TNFRSF1B: variants seen among roughly 807,000 people sequenced by gnomAD.
The protein encoded by TNFRSF1B is tumor necrosis factor receptor superfamily member 1B.
TNFRSF1B carries 19 observed loss-of-function variants against 44.6 expected under a neutral mutation model. The observed-to-expected ratio is 0.43, with a 90% CI of 0.30 to 0.62. TNFRSF1B has a LOEUF of 0.62. Among genes scored for constraint, TNFRSF1B ranks in the 20% least tolerant of loss-of-function variants. The pLI, the probability that TNFRSF1B is intolerant of heterozygous loss-of-function variation, is 0.16. For synonymous variants in TNFRSF1B, 252 were observed against 261.1 expected (o/e 0.97, Z 0.34); for missense variants, 541 against 619.9 (o/e 0.87, Z 1.35).
rs989303093 is a variant in TNFRSF1B at position 12,192,292 on chromosome 1, G to T, written c.458-139G>T. On this transcript the variant is annotated intron_variant, in intron 4 of 9. Coordinates refer to ENST00000376259, the MANE Select transcript of TNFRSF1B (RefSeq NM_001066.3). The stretch of plus-strand genomic sequence containing the variant: ...TACAGGCATCTGTGTGTGTGTGTGT[G>T]TGTGTGTGTGTGTGTAAGGGGTGGA... 128 of 731,024 alleles carry T rather than the reference G, an allele frequency of 1.8e-4. 1 individual carries two copies. The highest frequency in any genetic ancestry group is 1.6e-3 in the Middle Eastern group (5 of 3,152). 45.3% of individuals were successfully genotyped at this position (731,024 alleles called of 1,614,324 possible). A position where few individuals can be genotyped will look rare whatever the true frequency, so the allele number is the denominator to read the frequency against.
At chr1:12,198,471 C>T (rs577249411) in intron 8 of TNFRSF1B, among the ~76,000 whole-genome samples, 7 of 152,246 alleles carry the variant, frequency 4.6e-5, no homozygotes, top group African/African-American at 1.4e-4. Context: ...CAGATATGCA[C>T]ACATGCCCCC....
At chr1:12,190,000 C>T (rs556326140) in intron 2 of TNFRSF1B, among the ~76,000 whole-genome samples, 1 of 152,012 alleles carries the variant, frequency 6.6e-6, no homozygotes, top group South Asian at 2.1e-4. Context: ...AAGGCGAGTA[C>T]GGTAGGGGAG....
chr1:12,198,847 C>T (rs748730863), intron 8 of TNFRSF1B, among the ~76,000 whole-genome samples: 2 of 152,010 alleles, frequency 1.3e-5, no homozygotes, highest in Admixed American at 6.6e-5. Context: ...CCCACCAGCT[C>T]GCCCAGCTAA....
At chr1:12,183,656 T>TTATCTATCTATCTATCTATTCTATC (rs1638865931) in intron 1 of TNFRSF1B, among the ~76,000 whole-genome samples, 2 of 125,336 alleles carry the variant, frequency 1.6e-5, no homozygotes, top group East Asian at 2.4e-4. Flanking sequence ...TTTATCTATT[T>TTATCTATCTATCTATCTATTCTATC]TATCTATCTA....
intron 8 of TNFRSF1B, among the ~76,000 whole-genome samples, chr1:12,198,954 A>T (rs1378063409): frequency 1.3e-5 from 2 of 151,986 alleles, no homozygotes; most frequent in Admixed American, 6.5e-5. Flanking sequence ...CGGCCTCCCA[A>T]AGTGCTGGGA....
chr1:12,174,600 C>G (rs1024800607), intron 1 of TNFRSF1B, among the ~76,000 whole-genome samples: 1 of 152,174 alleles, frequency 6.6e-6, no homozygotes, highest in African/African-American at 2.4e-5. Flanking sequence ...CCTGGAGGTT[C>G]ATGGTTGCTA....
chr1:12,196,435 C>T (rs531553438), intron 8 of TNFRSF1B, among the ~76,000 whole-genome samples: 16 of 152,214 alleles, frequency 1.1e-4, no homozygotes, highest in Non-Finnish European at 2.1e-4. Flanking sequence ...TGGTGACAAT[C>T]AAAAATTCTC....
chr1:12,206,866 G>A lies in TNFRSF1B; in HGVS notation c.1232G>A (p.Ser411Asn), dbSNP rs770243493. The A allele has an allele frequency of 6.2e-7, 1 of 1,614,222 alleles. No homozygotes were observed. The highest frequency in any genetic ancestry group is 1.1e-5 in the South Asian group (1 of 91,090). Residue 411 changes from serine to asparagine, a missense_variant, in exon 10 of 10, where the codon AGC (serine) becomes AAC (asparagine). Coordinates refer to ENST00000376259, the MANE Select transcript of TNFRSF1B (RefSeq NM_001066.3). ...ASSTMGDTDSSPSESPKDEQV... is the reference protein window; with the variant it reads ...ASSTMGDTDSNPSESPKDEQV... ...TCCACAATGGGAGACACAGATTCCA[G>A]CCCCTCGGAGTCCCCGAAGGACGAG...
At position 12,207,073 on chromosome 1, in the gene TNFRSF1B, T is replaced by G; in HGVS notation, c.*53T>G. ...CAAGGTGGGCTGAGCCCTGGCAGGA[T>G]GACCCTGCGAAGGGGCCCTGGTCCT... On this transcript the variant is annotated 3_prime_UTR_variant, in exon 10 of 10. Transcript: ENST00000376259. 2 of 1,511,176 alleles carry G rather than the reference T, an allele frequency of 1.3e-6. No individual in the cohort carries two copies. Among genetic ancestry groups the G allele is most frequent in the Middle Eastern group, 2.0e-4 (1 of 5,002 alleles). 93.6% of individuals were successfully genotyped at this position (1,511,176 alleles called of 1,614,324 possible). A position where few individuals can be genotyped will look rare whatever the true frequency, so the allele number is the denominator to read the frequency against.
intron 9 of TNFRSF1B, among the ~76,000 whole-genome samples, chr1:12,203,450 C>G (rs1022312312): frequency 2.0e-5 from 3 of 152,176 alleles, no homozygotes; most frequent in African/African-American, 7.2e-5. Flanking sequence ...CTTGCCTGCA[C>G]TCATGCCACC....
rs1317929701 is a variant in TNFRSF1B at position 12,199,193 on chromosome 1, C to A, written c.901-2774C>A. On this transcript the variant is annotated intron_variant, in intron 8 of 9. Coordinates refer to ENST00000376259, the MANE Select transcript of TNFRSF1B (RefSeq NM_001066.3). This position sits in a 1 kb window ranked among gnomAD's most constrained non-coding sequence, Gnocchi z 4.0. ...GTAGCCACCAGCAGAGGGGGTGGGG[C>A]ACAGGCCAGAAAAACCCCTTTTGTG... 1.3e-5 allele frequency among the ~76,000 whole-genome samples: 2 copies of A among 152,160 alleles called. No homozygotes were observed. The highest frequency in any genetic ancestry group is 6.5e-5 in the Admixed American group (1 of 15,274).
rs2101070191 is a variant in TNFRSF1B, at chr1:12,167,136, G to A, written c.45G>A (p.Glu15=). The A allele has an allele frequency of 7.4e-7, 1 of 1,347,436 alleles. No homozygotes were observed. Among genetic ancestry groups the A allele is most frequent in the South Asian group, 1.7e-5 (1 of 57,774 alleles). The allele number at this position is 1,347,436 out of a possible 1,614,324, so 83.5% of individuals were successfully genotyped here. Residue 15 remains glutamate (E), a synonymous_variant, in exon 1 of 10, where the codon GAG becomes GAA. Transcript: ENST00000376259. ...GGGCCGCGCTGGCCGTCGGACTGGA[G>A]CTCTGGGCTGCGGCGCACGCCTTGC... ...AVWAALAVGL[E]LWAAAHALPA...
At position 12,188,840 on chromosome 1, in the gene TNFRSF1B, G is replaced by A. The variant is rs1639044869; in HGVS notation, c.123G>A (p.Arg41=). Reference sequence around the variant, plus strand: ...CCCCGGAGCCCGGGAGCACATGCCGGCTCAGAGAATACTATGACCAGACAG... The same window carrying A: ...CCCCGGAGCCCGGGAGCACATGCCGACTCAGAGAATACTATGACCAGACAG... The part of the protein sequence containing the change: ...PYAPEPGSTC[R]LREYYDQTAQ... Residue 41 remains arginine, a synonymous_variant, in exon 2 of 10, where the codon CGG becomes CGA. Coordinates refer to ENST00000376259, the MANE Select transcript of TNFRSF1B (RefSeq NM_001066.3). 1.2e-6 allele frequency: 2 copies of A among 1,613,822 alleles called. No homozygotes were observed. Among genetic ancestry groups the A allele is most frequent in the Non-Finnish European group, 1.7e-6 (2 of 1,179,866 alleles).
chr1:12,193,024 G>A lies in TNFRSF1B; in HGVS notation c.713G>A (p.Ser238Asn), dbSNP rs1377489058. The change falls in exon 6 of 10, where the codon AGC becomes AAC. Residue 238 changes from serine to asparagine, a missense_variant. Ser to Asn is a conservative substitution (Grantham distance 46, BLOSUM62 1). Coordinates refer to ENST00000376259, the MANE Select transcript of TNFRSF1B (RefSeq NM_001066.3). The part of the protein sequence containing the change: ...QPTPEPSTAP[S>N]TSFLLPMGPS... ...ACTCCAGAACCCAGCACTGCTCCAA[G>A]CACCTCCTTCCTGCTCCCAATGGGC... 6.2e-7 allele frequency: 1 copy of A among 1,614,200 alleles called. No homozygotes were observed. The highest frequency in any genetic ancestry group is 8.5e-7 in the Non-Finnish European group (1 of 1,180,036).
chr1:12,198,240 A>G (rs1213492333), intron 8 of TNFRSF1B, among the ~76,000 whole-genome samples: 1 of 152,080 alleles, frequency 6.6e-6, no homozygotes, highest in Admixed American at 6.5e-5. Context: ...TCGGGTGTTG[A>G]ACGGATGCCA....
At chr1:12,183,744 T>G (rs143481194) in intron 1 of TNFRSF1B, among the ~76,000 whole-genome samples, 1,403 of 103,646 alleles carry the variant, frequency 0.014, 40 homozygotes, top group Admixed American at 0.047. Flanking sequence ...TATCTATCTA[T>G]CTATCTAGCT....
In TNFRSF1B at chr1:12,171,508, C is replaced by G. The variant is rs1021071959; in HGVS notation, c.78+4339C>G. ...GTGCTCCCTGCCAGGCACTCTCACT[C>G]CCTGACCTGCTTTGTATTCCTGTAT... On this transcript the variant is annotated intron_variant, in intron 1 of 9. Transcript: ENST00000376259. This position sits in a 1 kb window ranked among gnomAD's most constrained non-coding sequence, Gnocchi z 4.5. Among the ~76,000 whole-genome samples, 1 of 152,222 alleles carries G rather than the reference C, an allele frequency of 6.6e-6. No individual in the cohort carries two copies. The highest frequency in any genetic ancestry group is 1.5e-5 in the Non-Finnish European group (1 of 68,048).
chr1:12,169,650 G>A lies in TNFRSF1B; in HGVS notation c.78+2481G>A, dbSNP rs185943191. On this transcript the variant is annotated intron_variant, in intron 1 of 9. Transcript: ENST00000376259. The surrounding 1 kb of genome is among the most constrained non-coding windows in gnomAD (Gnocchi z 4.5). ...CAGGAGACCTGAGCTAGCCATGGAC[G>A]CAGCCGACTCACTGCCAGCAGGGCT... 1.7e-3 allele frequency among the ~76,000 whole-genome samples: 260 copies of A among 152,394 alleles called. 8 individuals are homozygous for A. The South Asian group carries it at 0.035, about 20-fold the overall frequency.
At chr1:12,181,516 C>T (rs548311103) in intron 1 of TNFRSF1B, among the ~76,000 whole-genome samples, 2 of 152,226 alleles carry the variant, frequency 1.3e-5, no homozygotes, top group East Asian at 3.9e-4. Flanking sequence ...TCCATGACAC[C>T]CCCAAATCCC....
Sources: allele counts gnomAD v4.1 joint callset (sites outside exome capture counted in the v4.1 genomes callset), GRCh38; gene constraint gnomAD v4.1.1; non-coding constraint Gnocchi (gnomAD v3.1); transcripts MANE v1.5; gene names NCBI Gene and HGNC (gene_info 2026-07-23, HGNC 2026-07-21).